Variants in ARPC2 observed in about 807,000 individuals in gnomAD.
The protein encoded by ARPC2 is actin related protein 2/3 complex subunit 2.
Under a neutral mutation model 38.6 loss-of-function variants are expected in ARPC2, and 4 were observed. That is an observed-to-expected ratio of 0.10 (90% CI 0.05 to 0.24). The LOEUF (loss-of-function observed/expected upper bound fraction) is 0.24. ARPC2 is among the 10% of genes least tolerant of loss of function. ARPC2 has a pLI of 1.00. For missense variants in ARPC2, 229 were observed against 387.3 expected (o/e 0.59, Z 3.43); for synonymous variants, 125 against 140.8 (o/e 0.89, Z 0.79).
At chr2:218,232,830 C>T (rs879849822) in intron 4 of ARPC2, among the ~76,000 whole-genome samples, 7 of 151,308 alleles carry the variant, frequency 4.6e-5, no homozygotes, top group Non-Finnish European at 8.8e-5. Context: ...CCCGCCTCGG[C>T]CTCCCAAAGT....
chr2:218,248,367 T>C (rs1347084110), intron 8 of ARPC2, among the ~76,000 whole-genome samples: 2 of 152,128 alleles, frequency 1.3e-5, no homozygotes, highest in African/African-American at 4.8e-5. Context: ...TTGCAGATAG[T>C]GAGTAGAGGA....
intron 1 of ARPC2, 85 bp downstream of exon 1, chr2:218,217,339 T>A: frequency 4.1e-6 from 3 of 724,476 alleles, no homozygotes; most frequent in African/African-American, 1.8e-5. Flanking sequence ...CCGGCCCCTC[T>A]CCCCTTCTCC....
intron 9 of ARPC2, 78 bp downstream of exon 9, chr2:218,249,542 C>CACAGCGTAGACTAATGGA: frequency 8.8e-7 from 1 of 1,142,706 alleles, no homozygotes; most frequent in Non-Finnish European, 1.3e-6. Context: ...AAAGTCATTC[C>CACAGCGTAGACTAATGGA]ATTAGTCTAC....
chr2:218,242,799 T>G (rs184390085), intron 7 of ARPC2, among the ~76,000 whole-genome samples: 1 of 152,216 alleles, frequency 6.6e-6, no homozygotes, highest in Non-Finnish European at 1.5e-5. Context: ...TCTCTTTATG[T>G]CCTTTACCCA....
chr2:218,225,883 A>G, intron 2 of ARPC2, 37 bp from the exon 3 acceptor site: 3 of 1,609,136 alleles, frequency 1.9e-6, no homozygotes, highest in Non-Finnish European at 2.6e-6. Context: ...GCAGCAATAC[A>G]GTCATCTTAA....
chr2:218,229,565 C>G (rs1689582828), intron 4 of ARPC2, among the ~76,000 whole-genome samples: 1 of 152,238 alleles, frequency 6.6e-6, no homozygotes, highest in Non-Finnish European at 1.5e-5. Context: ...AAACTAGGTT[C>G]TCCTTAATCT....
chr2:218,228,710 T>TA (rs761945820), intron 3 of ARPC2, 28 bp from the exon 4 acceptor site: 2 of 1,397,752 alleles, frequency 1.4e-6, no homozygotes, highest in East Asian at 2.3e-5. Context: ...CCCAAATTGT[T>TA]ACGCAATCTT....
At chr2:218,228,567 A>G (rs1049134117) in intron 3 of ARPC2, among the ~76,000 whole-genome samples, 171 bp from the exon 4 acceptor site, 1 of 152,224 alleles carries the variant, frequency 6.6e-6, no homozygotes, top group African/African-American at 2.4e-5. Context: ...GTGCTCAGCA[A>G]TTCTATCCCA....
At chr2:218,249,580 A>C in intron 9 of ARPC2, 116 bp downstream of exon 9, 1 of 865,422 alleles carries the variant, frequency 1.2e-6, no homozygotes, top group East Asian at 2.7e-5. Context: ...TTAGGTAAAT[A>C]ATTCTAGAGG....
intron 2 of ARPC2, among the ~76,000 whole-genome samples, chr2:218,218,931 T>C (rs1410732293): frequency 6.6e-6 from 1 of 152,240 alleles, no homozygotes; most frequent in Non-Finnish European, 1.5e-5. Flanking sequence ...TAGCCTCTCT[T>C]ACCAGTTTCT....
intron 7 of ARPC2, among the ~76,000 whole-genome samples, chr2:218,243,691 A>G (rs1689967130): frequency 6.6e-6 from 1 of 152,292 alleles, no homozygotes; most frequent in East Asian, 1.9e-4. Context: ...CATGAAAATC[A>G]CTTGAACCTA....
chr2:218,235,057 T>C (rs1689736720), intron 5 of ARPC2: 2 of 297,568 alleles, frequency 6.7e-6, no homozygotes, highest in African/African-American at 2.2e-5. Flanking sequence ...AGTAAGACCA[T>C]TGGAACATAA....
intron 4 of ARPC2, among the ~76,000 whole-genome samples, chr2:218,229,465 T>C (rs1689581336): frequency 6.6e-6 from 1 of 152,230 alleles, no homozygotes; most frequent in African/African-American, 2.4e-5. Flanking sequence ...GAAAATGCTA[T>C]TACACCAGTT....
intron 2 of ARPC2, among the ~76,000 whole-genome samples, chr2:218,219,837 C>CT (rs1267388594): frequency 8.2e-6 from 1 of 121,550 alleles, no homozygotes; most frequent in Non-Finnish European, 2.0e-5. Context: ...CTTTGAAAAT[C>CT]TTTAAAAAAA....
intron 5 of ARPC2, among the ~76,000 whole-genome samples, chr2:218,238,415 C>T (rs1383598570): frequency 6.6e-6 from 1 of 152,052 alleles, no homozygotes; most frequent in Non-Finnish European, 1.5e-5. Context: ...TTACAAGAAT[C>T]TTATAAAAAT....
At chr2:218,248,920 C>T (rs1690113367) in intron 8 of ARPC2, among the ~76,000 whole-genome samples, 1 of 152,186 alleles carries the variant, frequency 6.6e-6, no homozygotes, top group African/African-American at 2.4e-5. Flanking sequence ...CATCTGTTTT[C>T]TGGGAAGGTT....
intron 7 of ARPC2, among the ~76,000 whole-genome samples, chr2:218,244,602 A>G (rs1263774990): frequency 6.6e-6 from 1 of 152,256 alleles, no homozygotes; most frequent in Admixed American, 6.5e-5. Flanking sequence ...GTTTGTAGAA[A>G]AGACATGGCA....
At chr2:218,245,199 T>C (rs1471310013) in intron 7 of ARPC2, among the ~76,000 whole-genome samples, 1 of 152,224 alleles carries the variant, frequency 6.6e-6, no homozygotes, top group African/African-American at 2.4e-5. Context: ...ATTTTGAAGA[T>C]CTGACTTATT....
chr2:218,217,327 C>T, intron 1 of ARPC2, 73 bp downstream of exon 1: 1 of 708,604 alleles, frequency 1.4e-6, no homozygotes, highest in East Asian at 2.7e-5. Flanking sequence ...CTTCCCTCCA[C>T]CCCGGCCCCT....
Sources: allele counts gnomAD v4.1 joint callset (sites outside exome capture counted in the v4.1 genomes callset), GRCh38; gene constraint gnomAD v4.1.1; transcripts MANE v1.5; gene names NCBI Gene and HGNC (gene_info 2026-07-23, HGNC 2026-07-21).